Variants in KIAA0825 observed in about 807,000 individuals in gnomAD.
KIAA0825 encodes the protein KIAA0825.
A neutral mutation model predicts 147.6 loss-of-function variants in KIAA0825; 119 were observed. The ratio of observed to expected loss-of-function variants is 0.81; its 90% CI spans 0.69 to 0.94. The LOEUF (loss-of-function observed/expected upper bound fraction) is 0.94, where lower values mean the gene tolerates loss of function less well. Ranked by LOEUF, KIAA0825 falls within the 40% of genes least tolerant of loss-of-function variation. The pLI is 0.00. For missense variants in KIAA0825, 1,381 were observed against 1,472.7 expected (o/e 0.94, Z 1.02); for synonymous variants, 470 against 518.1 (o/e 0.91, Z 1.26).
intron 20 of KIAA0825, among the ~76,000 whole-genome samples, chr5:94,176,322 G>A (rs1769097978): frequency 6.6e-6 from 1 of 152,140 alleles, no homozygotes; most frequent in Non-Finnish European, 1.5e-5. Flanking sequence ...AGTGGAAGCA[G>A]CATGAGGCCC....
rs150394338 is a variant in KIAA0825, at chr5:94,454,592, T to C, written c.2247-1523A>G. Among the ~76,000 whole-genome samples, 806 of 152,312 alleles carry C rather than the reference T, an allele frequency of 5.3e-3. 11 individuals are homozygous for C. The Middle Eastern group carries it at 0.061, about 12-fold the overall frequency. On this transcript the variant is annotated intron_variant, in intron 12 of 20. Transcript: ENST00000682413. ...ATCCCATGTATTCCACTATGTGAGC[T>C]AGAGAAGTAGGCAGAAGCCAGACCA...
chr5:94,553,751 A>G (rs1347745606), intron 2 of KIAA0825, among the ~76,000 whole-genome samples: 2 of 151,730 alleles, frequency 1.3e-5, no homozygotes, highest in African/African-American at 4.8e-5. Flanking sequence ...GAGCAACAAG[A>G]AGGAGACTGT....
intron 15 of KIAA0825, 121 bp downstream of exon 15, chr5:94,417,080 G>A (rs769443924): frequency 2.2e-6 from 2 of 909,246 alleles, no homozygotes; most frequent in South Asian, 3.3e-5. Context: ...AAAAATGTAA[G>A]GTAAACTTTC....
At chr5:94,386,697 T>C (rs1749193033) in intron 18 of KIAA0825, among the ~76,000 whole-genome samples, 1 of 152,188 alleles carries the variant, frequency 6.6e-6, no homozygotes, top group African/African-American at 2.4e-5. Flanking sequence ...TAACAGGCAT[T>C]GTCTTGTCAC....
At chr5:94,526,374 C>T (rs1343353973) in intron 3 of KIAA0825, among the ~76,000 whole-genome samples, 2 of 151,912 alleles carry the variant, frequency 1.3e-5, no homozygotes, top group Admixed American at 6.6e-5. Context: ...GAGAGGTACA[C>T]AGAGAGCTTT....
intron 20 of KIAA0825, among the ~76,000 whole-genome samples, chr5:94,379,083 T>C (rs1584313935): frequency 6.6e-6 from 1 of 152,232 alleles, no homozygotes; most frequent in Non-Finnish European, 1.5e-5. Context: ...TAGTTTCTTT[T>C]GCTGTGCAGA....
At chr5:94,174,254 C>A (rs920485081) in intron 20 of KIAA0825, among the ~76,000 whole-genome samples, 2 of 152,078 alleles carry the variant, frequency 1.3e-5, no homozygotes, top group Non-Finnish European at 2.9e-5. Flanking sequence ...TTGGAAAAAT[C>A]CAGAAAAGTA....
intron 15 of KIAA0825, among the ~76,000 whole-genome samples, chr5:94,408,976 T>C (rs770260743): frequency 1.3e-5 from 2 of 152,200 alleles, no homozygotes; most frequent in Non-Finnish European, 1.5e-5. Flanking sequence ...AGTAGCTATA[T>C]AGCAAATAAG....
At chr5:94,456,412 C>T (rs1013692893) in intron 12 of KIAA0825, among the ~76,000 whole-genome samples, 2 of 152,168 alleles carry the variant, frequency 1.3e-5, no homozygotes, top group Non-Finnish European at 2.9e-5. Context: ...CTCATCCCCC[C>T]TCTATGCCCT....
intron 1 of KIAA0825, among the ~76,000 whole-genome samples, chr5:94,592,511 A>T (rs1214751125): frequency 6.6e-6 from 1 of 152,178 alleles, no homozygotes; most frequent in East Asian, 1.9e-4. Flanking sequence ...GGGTTGGGTG[A>T]GACAACCAAG....
intron 15 of KIAA0825, among the ~76,000 whole-genome samples, chr5:94,408,562 G>A (rs905634647): frequency 2.6e-5 from 4 of 151,414 alleles, no homozygotes; most frequent in South Asian, 2.1e-4. Flanking sequence ...TAGTAGAGAC[G>A]GGGTTTCACC....
rs569705839 is a variant in KIAA0825, at chr5:94,230,090, T to C, written c.3711-75966A>G. ...AGCATGAAGGAGGTGGGGCTGTCAA[T>C]TGAGGGGTTTCACTGGAGCTGGAAT... is the stretch of plus-strand genomic sequence containing the variant. On this transcript the variant is annotated intron_variant, in intron 20 of 20. Coordinates refer to ENST00000682413, the MANE Select transcript of KIAA0825 (RefSeq NM_001145678.3). Among the ~76,000 whole-genome samples the C allele has an allele frequency of 5.3e-5, 8 of 152,218 alleles. No homozygotes were observed. The South Asian group carries it at 1.0e-3, about 20-fold the overall frequency.
intron 20 of KIAA0825, among the ~76,000 whole-genome samples, chr5:94,237,421 G>C (rs533938039): frequency 1.3e-5 from 2 of 152,138 alleles, no homozygotes; most frequent in South Asian, 2.1e-4. Context: ...AACTACAAAG[G>C]CTGCAATGAG....
In KIAA0825 at chr5:94,458,287, A is replaced by G. The variant is rs1216471425; in HGVS notation, c.2246+4100T>C. Reference sequence around the variant, plus strand: ...TTAGCAAATGATAATTTGAGGTTAGAGAATAACTGGCCCATAGTAGATTCA... The same window carrying G: ...TTAGCAAATGATAATTTGAGGTTAGGGAATAACTGGCCCATAGTAGATTCA... On this transcript the variant is annotated intron_variant, in intron 12 of 20. Transcript: ENST00000682413. Among the ~76,000 whole-genome samples, 3 of 152,218 alleles carry G rather than the reference A, an allele frequency of 2.0e-5. No homozygotes were observed. The East Asian group carries it at 5.8e-4, about 29-fold the overall frequency.
intron 1 of KIAA0825, among the ~76,000 whole-genome samples, chr5:94,599,064 T>C (rs969912194): frequency 1.3e-5 from 2 of 152,176 alleles, no homozygotes; most frequent in African/African-American, 4.8e-5. Flanking sequence ...CTGTTTTCTA[T>C]CATGATTGTA....
intron 8 of KIAA0825, among the ~76,000 whole-genome samples, 179 bp downstream of exon 8, chr5:94,473,113 A>G (rs1761425611): frequency 6.6e-6 from 1 of 152,206 alleles, no homozygotes. Context: ...CACCAGGTAT[A>G]AGTCCTTTCG....
intron 20 of KIAA0825, among the ~76,000 whole-genome samples, chr5:94,219,368 C>T (rs565910467): frequency 1.3e-5 from 2 of 152,194 alleles, no homozygotes; most frequent in South Asian, 4.2e-4. Flanking sequence ...ACTTGCCCAC[C>T]ACTCACCTCC....
At chr5:94,403,460 G>T in intron 16 of KIAA0825, 109 bp downstream of exon 16, 3 of 764,014 alleles carry the variant, frequency 3.9e-6, no homozygotes, top group Non-Finnish European at 6.3e-6. Context: ...ATGGAAGGAA[G>T]ATTAATATAG....
chr5:94,153,931 TCTGA>T lies in KIAA0825; in HGVS notation c.*72_*75del. ...GCTTCACAGCACATATGAGGTTCAT[TCTGA>T]CTATGGTAAAAAATCCTACTCCATT... On this transcript the variant is annotated 3_prime_UTR_variant, in exon 21 of 21. Transcript: ENST00000682413. 1 of 994,830 alleles carries T rather than the reference TCTGA, an allele frequency of 1.0e-6. No homozygotes were observed. Among genetic ancestry groups the T allele is most frequent in the South Asian group, 1.4e-5 (1 of 70,462 alleles). 61.6% of individuals were successfully genotyped at this position (994,830 alleles called of 1,614,324 possible).
Sources: allele counts gnomAD v4.1 joint callset (sites outside exome capture counted in the v4.1 genomes callset), GRCh38; gene constraint gnomAD v4.1.1; transcripts MANE v1.5; gene names NCBI Gene and HGNC (gene_info 2026-07-23, HGNC 2026-07-21).